The following SNX29 variants were observed in gnomAD, a reference collection of about 807,000 sequenced individuals.
SNX29 encodes sorting nexin-29.
SNX29 carries 78 observed loss-of-function variants against 102.1 expected under a neutral mutation model. That is an observed-to-expected ratio of 0.76 (90% CI 0.64 to 0.92). The LOEUF is 0.92. Ranked by LOEUF, SNX29 falls within the 40% of genes least tolerant of loss-of-function variation. SNX29 has a pLI of 0.00. For missense variants in SNX29, 1,280 were observed against 1,061.7 expected, an observed-to-expected ratio of 1.21 and a Z score of -2.86; for synonymous variants, 580 against 414.5, an observed-to-expected ratio of 1.40 and a Z score of -4.85.
chr16:12,393,054 C>T (rs1214180615), intron 16 of SNX29, among the ~76,000 whole-genome samples: 1 of 152,092 alleles, frequency 6.6e-6, no homozygotes, highest in African/African-American at 2.4e-5. Flanking sequence ...CATTTTTTGG[C>T]AGTGAAAAGG....
At chr16:12,340,551 T>C (rs935629781) in intron 15 of SNX29, among the ~76,000 whole-genome samples, 2 of 152,034 alleles carry the variant, frequency 1.3e-5, no homozygotes, top group Admixed American at 1.3e-4. Context: ...GTGTTTGGAG[T>C]TCTGGAAACG....
chr16:12,356,115 T>G (rs765592457), intron 15 of SNX29, 48 bp from the exon 16 acceptor site: 40 of 1,558,862 alleles, frequency 2.6e-5, no homozygotes. Flanking sequence ...GATTGGTCCC[T>G]GGGGAATGTC....
chr16:11,980,658 C>T (rs1350577368), intron 1 of SNX29, among the ~76,000 whole-genome samples: 3 of 152,156 alleles, frequency 2.0e-5, no homozygotes, highest in African/African-American at 4.8e-5. Context: ...TTTCTCCACA[C>T]CTTCCCCAAG....
chr16:12,386,783 CA>C (rs1158765271), intron 16 of SNX29, among the ~76,000 whole-genome samples: 1 of 151,826 alleles, frequency 6.6e-6, no homozygotes, highest in South Asian at 2.1e-4. Flanking sequence ...AAAAATTAAA[CA>C]AAAAAAGGCC....
intron 11 of SNX29, among the ~76,000 whole-genome samples, chr16:12,126,406 C>G (rs77495064): frequency 2.2e-4 from 33 of 152,366 alleles, no homozygotes; most frequent in Non-Finnish European, 4.4e-4. Flanking sequence ...CTTGCCCGAG[C>G]TGCAGAGGCA....
At chr16:12,542,024 TTTTTC>T (rs1253812737) in intron 20 of SNX29, among the ~76,000 whole-genome samples, 1 of 152,058 alleles carries the variant, frequency 6.6e-6, no homozygotes, top group East Asian at 1.9e-4. Flanking sequence ...ACCGCTCTGT[TTTTTC>T]TTTTTTTAAT....
chr16:12,240,486 T>C (rs2941086), intron 14 of SNX29, among the ~76,000 whole-genome samples: 1 of 152,084 alleles, frequency 6.6e-6, no homozygotes, highest in Non-Finnish European at 1.5e-5. Context: ...ATTGAGTCTA[T>C]AACGATCTTG....
At chr16:12,170,725 G>A (rs1275087650) in intron 13 of SNX29, among the ~76,000 whole-genome samples, 1 of 151,686 alleles carries the variant, frequency 6.6e-6, no homozygotes, top group African/African-American at 2.4e-5. Context: ...TTCTGTGGGA[G>A]AGGAGGCTGT....
chr16:12,553,037 G>T (rs148700159), intron 20 of SNX29, among the ~76,000 whole-genome samples: 1 of 152,200 alleles, frequency 6.6e-6, no homozygotes, highest in Non-Finnish European at 1.5e-5. Context: ...AAGAGGCTGG[G>T]GACACTAATT....
chr16:12,568,797 C>T lies in SNX29; in HGVS notation c.*168C>T, dbSNP rs866970838. 2.6e-5 allele frequency: 28 copies of T among 1,089,210 alleles called. No homozygotes were observed. Among genetic ancestry groups the T allele is most frequent in the South Asian group, 8.2e-5 (5 of 61,092 alleles). The allele number at this position is 1,089,210 out of a possible 1,614,324, so 67.5% of individuals were successfully genotyped here. On this transcript the variant is annotated 3_prime_UTR_variant, in exon 21 of 21. Coordinates refer to ENST00000566228, the MANE Select transcript of SNX29 (RefSeq NM_032167.5). The stretch of plus-strand genomic sequence containing the variant: ...CACCCCGATTAAACTAATCAGTCTT[C>T]GAGCCGCATGATACCGTGACCCGAG...
chr16:12,562,848 C>G (rs566353468), intron 20 of SNX29, among the ~76,000 whole-genome samples: 1 of 152,272 alleles, frequency 6.6e-6, no homozygotes, highest in African/African-American at 2.4e-5. Context: ...TATAGGCAAC[C>G]CGACAGCTCC....
chr16:12,556,972 A>C lies in SNX29; in HGVS notation c.2319-11534A>C, dbSNP rs868673039. Among the ~76,000 whole-genome samples the C allele has an allele frequency of 2.1e-5, 3 of 145,914 alleles. No individual in the cohort carries two copies. The Admixed American group carries it at 2.1e-4, about 10-fold the overall frequency. ...GGCTCAGTCTTCCCACTTCTGCCTCATGAGTAGCTGGACAACAGGTACACA... is the reference window on the plus strand; with the variant it reads ...GGCTCAGTCTTCCCACTTCTGCCTCCTGAGTAGCTGGACAACAGGTACACA... On this transcript the variant is annotated intron_variant, in intron 20 of 20. Coordinates refer to ENST00000566228, the MANE Select transcript of SNX29 (RefSeq NM_032167.5).
In SNX29 at chr16:12,154,406, C is replaced by A. The variant is rs192200125; in HGVS notation, c.1595+24648C>A. On this transcript the variant is annotated intron_variant, in intron 13 of 20. Transcript: ENST00000566228. ...CTGACACCCCTGAGGTGGAAGCAGG[C>A]TGTTTTTTTTGGAGATTCTGGCAGG... Among the ~76,000 whole-genome samples, 178 of 152,298 alleles carry A rather than the reference C, an allele frequency of 1.2e-3. 1 individual carries two copies. The highest frequency in any genetic ancestry group is 0.01 in the Admixed American group (160 of 15,296).
intron 19 of SNX29, among the ~76,000 whole-genome samples, chr16:12,481,056 C>A (rs921684763): frequency 6.6e-6 from 1 of 152,320 alleles, no homozygotes; most frequent in Non-Finnish European, 1.5e-5. Context: ...GAGGCTGATT[C>A]CTCACAGCAG....
chr16:12,288,218 G>A (rs1352110297), intron 15 of SNX29, among the ~76,000 whole-genome samples: 2 of 152,172 alleles, frequency 1.3e-5, no homozygotes, highest in Admixed American at 1.3e-4. Context: ...AACAGGACTG[G>A]GTGGAAGCAG....
intron 15 of SNX29, among the ~76,000 whole-genome samples, chr16:12,280,074 G>C (rs2079384541): frequency 6.6e-6 from 1 of 152,156 alleles, no homozygotes; most frequent in Admixed American, 6.5e-5. Context: ...TGATTGATTG[G>C]GTGTTTGACC....
chr16:12,547,312 C>T (rs1363549357), intron 20 of SNX29, among the ~76,000 whole-genome samples: 3 of 152,180 alleles, frequency 2.0e-5, no homozygotes, highest in Non-Finnish European at 2.9e-5. Context: ...GCCAGGGTAG[C>T]CCAGGAACAG....
chr16:12,023,820 C>T (rs2057104262), intron 3 of SNX29, among the ~76,000 whole-genome samples: 1 of 152,092 alleles, frequency 6.6e-6, no homozygotes, highest in African/African-American at 2.4e-5. Context: ...GACAGGTGTG[C>T]TCTACTTGAT....
intron 14 of SNX29, among the ~76,000 whole-genome samples, chr16:12,232,435 G>A (rs1367643370): frequency 3.9e-5 from 6 of 152,204 alleles, no homozygotes; most frequent in Non-Finnish European, 7.3e-5. Context: ...CACAAGAATC[G>A]CTTGAACCCA....
Sources: gnomAD v4.1 joint callset for allele counts (sites outside exome capture counted in the v4.1 genomes callset) on GRCh38, gnomAD v4.1.1 for gene constraint, MANE v1.5 for transcripts, NCBI Gene and HGNC (gene_info 2026-07-23, HGNC 2026-07-21) for gene names.